NEDD9: variants seen among roughly 807,000 people sequenced by gnomAD.
NEDD9 encodes the protein enhancer of filamentation 1.
NEDD9 carries 26 observed loss-of-function variants against 76.6 expected under a neutral mutation model. That is an observed-to-expected ratio of 0.34 (90% CI 0.25 to 0.47). NEDD9 has a LOEUF of 0.47. Ranked by LOEUF, NEDD9 falls within the 20% of genes least tolerant of loss-of-function variation. The pLI is 1.00. For synonymous variants in NEDD9, 392 were observed against 414.2 expected (o/e 0.95, Z 0.65); for missense variants, 937 against 1,058.5 (o/e 0.89, Z 1.59).
intron 1 of NEDD9, among the ~76,000 whole-genome samples, chr6:11,364,169 C>T (rs1250057853): frequency 2.0e-5 from 3 of 152,170 alleles, no homozygotes; most frequent in African/African-American, 4.8e-5. Context: ...AAGTGACCAG[C>T]TCCAAATCAA....
intron 1 of NEDD9, among the ~76,000 whole-genome samples, chr6:11,367,573 C>G (rs1209898315): frequency 6.6e-6 from 1 of 152,220 alleles, no homozygotes; most frequent in Non-Finnish European, 1.5e-5. Context: ...CTCCCCACTT[C>G]CCTCACCATC....
Position 11,213,197 on chromosome 6 carries a change from A to T in NEDD9, c.459+84T>A. On this transcript the variant is annotated intron_variant, in intron 2 of 6. Transcript: ENST00000379446. The surrounding 1 kb of genome is among the most constrained non-coding windows in gnomAD (Gnocchi z 5.4). ...TACTTCTTGGCAGCTTCAAGTTATT[A>T]ATTTGGGAACATTTCCAAATGCTCC... 2 of 1,273,348 alleles carry T rather than the reference A, an allele frequency of 1.6e-6. No homozygotes were observed. Among genetic ancestry groups the T allele is most frequent in the African/African-American group, 1.5e-5 (1 of 66,910 alleles). The allele number at this position is 1,273,348 out of a possible 1,614,324, so 78.9% of individuals were successfully genotyped here.
intron 3 of NEDD9, chr6:11,249,231 T>A (rs908134545): frequency 3.5e-5 from 16 of 454,862 alleles, no homozygotes; most frequent in African/African-American, 3.0e-4. Context: ...AAAACAAATA[T>A]ATATTGAGTC....
intron 3 of NEDD9, among the ~76,000 whole-genome samples, chr6:11,255,149 T>A (rs78780526): frequency 0.023 from 3,473 of 151,990 alleles, 72 homozygotes; most frequent in East Asian, 0.12. Flanking sequence ...GAGAAATGAG[T>A]GGATGAATGG....
upstream of NEDD9, chr6:11,233,540 C>T: frequency 5.8e-6 from 3 of 518,792 alleles, no homozygotes; most frequent in Non-Finnish European, 1.2e-5. Context: ...TTCCTTCTGA[C>T]CTCTGTCCTG....
chr6:11,344,572 T>C (rs896115781), intron 1 of NEDD9, among the ~76,000 whole-genome samples: 2 of 152,224 alleles, frequency 1.3e-5, no homozygotes, highest in African/African-American at 4.8e-5. Context: ...GTGTGTGACC[T>C]CAATGCCACC....
At chr6:11,380,802 T>TCTA (rs1472491319) in intron 1 of NEDD9, among the ~76,000 whole-genome samples, 1 of 147,366 alleles carries the variant, frequency 6.8e-6, no homozygotes, top group Non-Finnish European at 1.5e-5. Flanking sequence ...GTCATCGTCT[T>TCTA]CTTCTTCTTC....
intron 1 of NEDD9, among the ~76,000 whole-genome samples, chr6:11,341,539 A>G (rs531840310): frequency 2.0e-5 from 3 of 152,372 alleles, no homozygotes; most frequent in South Asian, 4.1e-4. Context: ...CTGAAACAGT[A>G]TAACAGAGGT....
chr6:11,189,923 TGTGA>T, intron 5 of NEDD9, 37 bp downstream of exon 5: 1 of 1,502,096 alleles, frequency 6.7e-7, no homozygotes, highest in Non-Finnish European at 8.9e-7. Flanking sequence ...GCTCCCTGCA[TGTGA>T]GTGAGTGTAG....
intron 1 of NEDD9, among the ~76,000 whole-genome samples, chr6:11,347,466 CA>C (rs1397191259): frequency 6.6e-6 from 1 of 152,020 alleles, no homozygotes; most frequent in South Asian, 2.1e-4. Flanking sequence ...AGAGACACAA[CA>C]AGAAAAACAA....
intron 1 of NEDD9, among the ~76,000 whole-genome samples, chr6:11,346,851 A>T (rs1762374387): frequency 6.6e-6 from 1 of 152,102 alleles, no homozygotes; most frequent in African/African-American, 2.4e-5. Flanking sequence ...GTGGGAGCTC[A>T]TGCTCAGTTG....
intron 2 of NEDD9, among the ~76,000 whole-genome samples, chr6:11,322,687 A>T: frequency 6.6e-6 from 1 of 152,132 alleles, no homozygotes; most frequent in East Asian, 1.9e-4. Flanking sequence ...GTTCAGTGTT[A>T]CTCAAGGGGC....
intron 1 of NEDD9, among the ~76,000 whole-genome samples, chr6:11,351,494 T>C (rs1762468913): frequency 6.6e-6 from 1 of 152,242 alleles, no homozygotes; most frequent in African/African-American, 2.4e-5. Flanking sequence ...CCCTTCTCTC[T>C]GAGGCCGGTC....
intron 3 of NEDD9, among the ~76,000 whole-genome samples, chr6:11,266,658 G>C (rs571415481): frequency 6.6e-6 from 1 of 152,122 alleles, no homozygotes; most frequent in Non-Finnish European, 1.5e-5. Flanking sequence ...TTCAACTACT[G>C]TATGGGTTTA....
chr6:11,338,508 T>A (rs544302889), intron 1 of NEDD9, among the ~76,000 whole-genome samples: 1 of 152,160 alleles, frequency 6.6e-6, no homozygotes, highest in Non-Finnish European at 1.5e-5. Flanking sequence ...AAGTGAAGCA[T>A]CAGAAAGAAG....
chr6:11,346,937 C>T (rs550133599), intron 1 of NEDD9, among the ~76,000 whole-genome samples: 3 of 152,246 alleles, frequency 2.0e-5, no homozygotes, highest in Admixed American at 6.5e-5. Context: ...TCTCCTGTTA[C>T]CTGCTCCCCA....
At chr6:11,331,326 G>A (rs1472325697) in intron 2 of NEDD9, among the ~76,000 whole-genome samples, 1 of 139,236 alleles carries the variant, frequency 7.2e-6, no homozygotes, top group Admixed American at 7.7e-5. Flanking sequence ...AGATAGTTGT[G>A]AGCATTTACT....
intron 3 of NEDD9, among the ~76,000 whole-genome samples, chr6:11,295,560 C>T (rs926893929): frequency 3.3e-5 from 5 of 152,154 alleles, no homozygotes; most frequent in Non-Finnish European, 5.9e-5. Context: ...GAGATTGTCC[C>T]CAGCTGAGGC....
chr6:11,303,516 TAAAA>T (rs138498497), intron 3 of NEDD9, among the ~76,000 whole-genome samples: 5,307 of 150,868 alleles, frequency 0.035, 179 homozygotes, highest in African/African-American at 0.086. Context: ...AAAAACTACT[TAAAA>T]GAACAAAGCT....
Sources: allele counts gnomAD v4.1 joint callset (sites outside exome capture counted in the v4.1 genomes callset), GRCh38; gene constraint gnomAD v4.1.1; non-coding constraint Gnocchi (gnomAD v3.1); transcripts MANE v1.5; gene names NCBI Gene and HGNC (gene_info 2026-07-23, HGNC 2026-07-21).